The following RASGRP2 variants were observed in gnomAD, a reference collection of about 807,000 sequenced individuals.
The protein encoded by RASGRP2 is RAS guanyl-releasing protein 2.
In RASGRP2, 44 loss-of-function variants were observed where a neutral mutation model predicts 71.0. The ratio of observed to expected loss-of-function variants is 0.62; its 90% CI spans 0.49 to 0.80. The LOEUF is 0.80. Ranked by LOEUF, RASGRP2 falls within the 30% of genes least tolerant of loss-of-function variation. RASGRP2 has a pLI of 0.00. For synonymous variants in RASGRP2, 350 were observed against 330.7 expected (o/e 1.06, Z -0.63); for missense variants, 663 against 813.4 (o/e 0.82, Z 2.25).
Position 64,742,025 on chromosome 11 carries a change from G to A in RASGRP2, c.161C>T (p.Ala54Val), listed in dbSNP as rs1487505117. The A allele has an allele frequency of 6.2e-7, 1 of 1,610,568 alleles. No individual in the cohort carries two copies. Among genetic ancestry groups the A allele is most frequent in the Non-Finnish European group, 8.5e-7 (1 of 1,178,358 alleles). Residue 54 changes from alanine to valine, a missense_variant, in exon 3 of 17, where the codon GCC becomes GTC. Ala to Val is a moderately conservative substitution (Grantham distance 64, BLOSUM62 0). Coordinates refer to ENST00000394432, the MANE Select transcript of RASGRP2 (RefSeq NM_001098671.2). This position sits in a 1 kb window ranked among gnomAD's most constrained non-coding sequence, Gnocchi z 4.7. The part of the protein sequence containing the change: ...PWYIPSSQLA[A>V]KLLHIYQQSR... The stretch of plus-strand genomic sequence containing the variant: ...CGAAGGATATATGTGGAGCAGCTTG[G>A]CCGCCAGCTGAGAGGAGGGGATGTA...
chr11:64,738,621 TA>T (rs1242644523), intron 8 of RASGRP2, among the ~76,000 whole-genome samples: 5 of 151,938 alleles, frequency 3.3e-5, no homozygotes, highest in Non-Finnish European at 4.4e-5. Flanking sequence ...TGTATTTTAG[TA>T]GAGATGGGTT....
chr11:64,728,169 G>C (rs2057635127), intron 15 of RASGRP2, among the ~76,000 whole-genome samples: 1 of 152,156 alleles, frequency 6.6e-6, no homozygotes, highest in African/African-American at 2.4e-5. Context: ...CAAGAGAGCT[G>C]CCAGGACATT....
rs765811988 is a variant in RASGRP2, at chr11:64,742,819, C to G, written c.48G>C (p.Leu16=). The G allele has an allele frequency of 6.2e-6, 10 of 1,608,538 alleles. No homozygotes were observed. The highest frequency in any genetic ancestry group is 8.5e-6 in the Non-Finnish European group (10 of 1,178,422). Residue 16 remains leucine (L), a synonymous_variant, in exon 2 of 17, where the codon CTG becomes CTC. Transcript: ENST00000394432. This position sits in a 1 kb window ranked among gnomAD's most constrained non-coding sequence, Gnocchi z 4.7. The stretch of plus-strand genomic sequence containing the variant: ...CGAAGGCTTCGATGCACCCGCGGAG[C>G]AGCTCCTCCACCGTGCAGCCCTTGT... The part of the protein sequence containing the change: ...DLDKGCTVEE[L]LRGCIEAFDD...
rs528017609 is a variant in RASGRP2, at chr11:64,735,444, T to C, written c.1296+98A>G. 5.6e-6 allele frequency: 9 copies of C among 1,596,336 alleles called. No homozygotes were observed. In the African/African-American group the frequency reaches 1.1e-4, roughly 19 times the overall value. On this transcript the variant is annotated intron_variant, in intron 11 of 16. Transcript: ENST00000394432. The surrounding 1 kb of genome is among the most constrained non-coding windows in gnomAD (Gnocchi z 4.2). Reference sequence around the variant, plus strand: ...GGCCCTGTGACTCCTAGGGGCTGAGTGCTGGGTCTTGAACAGGACACTCGT... The same window carrying C: ...GGCCCTGTGACTCCTAGGGGCTGAGCGCTGGGTCTTGAACAGGACACTCGT...
Position 64,741,657 on chromosome 11 carries a change from T to C in RASGRP2, c.177-156A>G, listed in dbSNP as rs1592387340. The stretch of plus-strand genomic sequence containing the variant: ...GGTGAGGCTTGAGCTCTGGGAGGGG[T>C]TGGAGGTGGGGGTGGAGGACTAGGT... On this transcript the variant is annotated intron_variant, in intron 3 of 16. Transcript: ENST00000394432. 1.7e-5 allele frequency: 13 copies of C among 752,942 alleles called. No individual in the cohort carries two copies. In the Admixed American group the frequency reaches 2.0e-4, roughly 12 times the overall value. The allele number at this position is 752,942 out of a possible 1,614,324, so 46.6% of individuals were successfully genotyped here.
Position 64,743,966 on chromosome 11 carries a change from T to C in RASGRP2, c.-72+37A>G. 1 of 990,144 alleles carries C rather than the reference T, an allele frequency of 1.0e-6. No homozygotes were observed. Among genetic ancestry groups the C allele is most frequent in the Non-Finnish European group, 1.2e-6 (1 of 831,768 alleles). 61.3% of individuals were successfully genotyped at this position (990,144 alleles called of 1,614,324 possible). A position where few individuals can be genotyped will look rare whatever the true frequency, so the allele number is the denominator to read the frequency against. The stretch of plus-strand genomic sequence containing the variant: ...CACACACAATGGCACCCACACCCTG[T>C]GCACACCTGCACGAAGAAACCCTCA... On this transcript the variant is annotated intron_variant, in intron 1 of 16. Coordinates refer to ENST00000394432, the MANE Select transcript of RASGRP2 (RefSeq NM_001098671.2). This position sits in a 1 kb window ranked among gnomAD's most constrained non-coding sequence, Gnocchi z 4.9.
At position 64,742,113 on chromosome 11, in the gene RASGRP2, C is replaced by A; in HGVS notation, c.74-1G>T. 1 of 1,583,926 alleles carries A rather than the reference C, an allele frequency of 6.3e-7. No homozygotes were observed. The highest frequency in any genetic ancestry group is 8.6e-7 in the Non-Finnish European group (1 of 1,164,660). On this transcript the variant is annotated splice_acceptor_variant, in intron 2 of 16. Coordinates refer to ENST00000394432, the MANE Select transcript of RASGRP2 (RefSeq NM_001098671.2). LOFTEE classifies it high-confidence loss of function. This position sits in a 1 kb window ranked among gnomAD's most constrained non-coding sequence, Gnocchi z 4.7. ...GGGTCCCGCACCTTCCCGGAGTCATCTGACTCCGAAGGGTCAAAGACAGGT... is the reference window on the plus strand; with the variant it reads ...GGGTCCCGCACCTTCCCGGAGTCATATGACTCCGAAGGGTCAAAGACAGGT...
chr11:64,739,327 G>A lies in RASGRP2; in HGVS notation c.813+33C>T, dbSNP rs769771724. 10 of 1,547,228 alleles carry A rather than the reference G, an allele frequency of 6.5e-6. No individual in the cohort carries two copies. The highest frequency in any genetic ancestry group is 8.9e-6 in the Non-Finnish European group (10 of 1,119,250). ...GGGAGGACCCAGTGAAGACAGACCTGGGAAGCACCGGCCCCTCCCCAGTCC... is the reference window on the plus strand; with the variant it reads ...GGGAGGACCCAGTGAAGACAGACCTAGGAAGCACCGGCCCCTCCCCAGTCC... On this transcript the variant is annotated intron_variant, in intron 8 of 16. Coordinates refer to ENST00000394432, the MANE Select transcript of RASGRP2 (RefSeq NM_001098671.2). This position sits in a 1 kb window ranked among gnomAD's most constrained non-coding sequence, Gnocchi z 4.2.
intron 13 of RASGRP2, 67 bp downstream of exon 13, chr11:64,729,986 G>A: frequency 6.6e-7 from 1 of 1,525,466 alleles, no homozygotes. Flanking sequence ...GGCGGGGCCA[G>A]AAGGGAGGGC....
intron 12 of RASGRP2, among the ~76,000 whole-genome samples, chr11:64,731,005 A>G (rs1227553156): frequency 1.3e-5 from 2 of 152,242 alleles, no homozygotes; most frequent in African/African-American, 4.8e-5. Context: ...GGGGGCTCAT[A>G]ATGTGTGATC....
At position 64,742,726 on chromosome 11, in the gene RASGRP2, G is replaced by A; in HGVS notation, c.73+68C>T. The A allele has an allele frequency of 1.3e-6, 2 of 1,552,308 alleles. No homozygotes were observed. The highest frequency in any genetic ancestry group is 1.7e-6 in the Non-Finnish European group (2 of 1,147,110). ...AGGGCTGTGCCCTGGACTGTGCCTG[G>A]GAGGCAGGGACCCGGGCTCAGACTC... is the stretch of plus-strand genomic sequence containing the variant. On this transcript the variant is annotated intron_variant, in intron 2 of 16. Transcript: ENST00000394432. The surrounding 1 kb of genome is among the most constrained non-coding windows in gnomAD (Gnocchi z 4.7).
At position 64,742,858 on chromosome 11, in the gene RASGRP2, G is replaced by A. The variant is rs1246538662; in HGVS notation, c.9C>T (p.Gly3=). ...TGCAGCCCTTGTCCAGGTCCAGGGT[G>A]CCTGCCATGGCCGCCGGCGCGGGGT... MA[G]TLDLDKGCTV... Residue 3 remains glycine (G), a synonymous_variant, in exon 2 of 17, where the codon GGC becomes GGT. Coordinates refer to ENST00000394432, the MANE Select transcript of RASGRP2 (RefSeq NM_001098671.2). This position sits in a 1 kb window ranked among gnomAD's most constrained non-coding sequence, Gnocchi z 4.7. The A allele has an allele frequency of 1.3e-6, 2 of 1,596,422 alleles. No homozygotes were observed. The highest frequency in any genetic ancestry group is 2.3e-5 in the South Asian group (2 of 88,798).
At chr11:64,741,552 G>A (rs755938251) in intron 3 of RASGRP2, 51 bp from the exon 4 acceptor site, 10 of 1,461,036 alleles carry the variant, frequency 6.8e-6, no homozygotes, top group Non-Finnish European at 9.4e-6. Context: ...GGAGGCCTGC[G>A]TGGAGGGAGG....
Position 64,742,999 on chromosome 11 carries a change from G to A in RASGRP2, c.-71-62C>T. ...CGCGGGCGGGGGAGCGGCCCCGCGG[G>A]CAGAAACGGGGCGGGGCGGGCACGC... On this transcript the variant is annotated intron_variant, in intron 1 of 16. Transcript: ENST00000394432. This position sits in a 1 kb window ranked among gnomAD's most constrained non-coding sequence, Gnocchi z 4.7. 6.7e-7 allele frequency: 1 copy of A among 1,490,016 alleles called. No individual in the cohort carries two copies. 92.3% of individuals were successfully genotyped at this position (1,490,016 alleles called of 1,614,324 possible).
In RASGRP2 at chr11:64,730,149, G is replaced by A; in HGVS notation, c.1458C>T (p.Arg486=). The change falls in exon 13 of 17, where the codon CGC becomes CGT. Residue 486 remains arginine (R), a synonymous_variant. Transcript: ENST00000394432. ...SREEMVSYFL[R]SSSVLGGRMG... ...TGCGCCCCCCCAACACAGAGCTGGA[G>A]CGCAGGAAATAGGAAACCATCTCCT... 6.4e-7 allele frequency: 1 copy of A among 1,551,606 alleles called. No homozygotes were observed. The highest frequency in any genetic ancestry group is 8.7e-7 in the Non-Finnish European group (1 of 1,147,012).
At chr11:64,734,303 C>T (rs1285649448) in intron 12 of RASGRP2, among the ~76,000 whole-genome samples, 6 of 151,368 alleles carry the variant, frequency 4.0e-5, no homozygotes, top group African/African-American at 1.5e-4. Flanking sequence ...CAGAGTGAGA[C>T]TCTGTCTCAA....
rs1026275745 is a variant in RASGRP2 at position 64,736,042 on chromosome 11, C to G, written c.1096-62G>C. 14 of 1,421,048 alleles carry G rather than the reference C, an allele frequency of 9.9e-6. No homozygotes were observed. In the Admixed American group the frequency reaches 2.5e-4, roughly 25 times the overall value. 88.0% of individuals were successfully genotyped at this position (1,421,048 alleles called of 1,614,324 possible). A position where few individuals can be genotyped will look rare whatever the true frequency, so the allele number is the denominator to read the frequency against. On this transcript the variant is annotated intron_variant, in intron 9 of 16. Transcript: ENST00000394432. ...TGCCCACAGCCACAGAGCCCAGGGC[C>G]AAAGGTCGACCTAGAGGCCACAGCT...
intron 12 of RASGRP2, among the ~76,000 whole-genome samples, chr11:64,733,041 C>T (rs2057811703): frequency 6.6e-6 from 1 of 151,798 alleles, no homozygotes; most frequent in African/African-American, 2.4e-5. Context: ...ATGAGAATTA[C>T]TTGAACCTGG....
rs550538290 is a variant in RASGRP2 at position 64,730,870 on chromosome 11, A to C, written c.1413-676T>G. Among the ~76,000 whole-genome samples, 19 of 152,278 alleles carry C rather than the reference A, an allele frequency of 1.2e-4. No homozygotes were observed. In the South Asian group the frequency reaches 3.9e-3, roughly 32 times the overall value. On this transcript the variant is annotated intron_variant, in intron 12 of 16. Coordinates refer to ENST00000394432, the MANE Select transcript of RASGRP2 (RefSeq NM_001098671.2). ...TCCTACATTTCATAGGATTTTGGTGAGGATTAAATTAGATGATGCATGTGA... is the reference window on the plus strand; with the variant it reads ...TCCTACATTTCATAGGATTTTGGTGCGGATTAAATTAGATGATGCATGTGA...
Sources: allele counts gnomAD v4.1 joint callset (sites outside exome capture counted in the v4.1 genomes callset), GRCh38; gene constraint gnomAD v4.1.1; non-coding constraint Gnocchi (gnomAD v3.1); transcripts MANE v1.5; gene names NCBI Gene and HGNC (gene_info 2026-07-23, HGNC 2026-07-21).